Variants in PCDHGA2 observed in about 807,000 individuals in gnomAD.
PCDHGA2 encodes the protein protocadherin gamma-A2.
PCDHGA2 carries 40 observed loss-of-function variants against 59.2 expected under a neutral mutation model. The ratio of observed to expected loss-of-function variants is 0.68; its 90% CI spans 0.52 to 0.88. The LOEUF is 0.88. Ranked by LOEUF, PCDHGA2 falls within the 40% of genes least tolerant of loss-of-function variation. The pLI is 0.00. For missense variants in PCDHGA2, 1,226 were observed against 1,204.0 expected, an observed-to-expected ratio of 1.02 and a Z score of -0.27; for synonymous variants, 560 against 526.0, an observed-to-expected ratio of 1.06 and a Z score of -0.89.
At position 141,430,831 on chromosome 5, in the gene PCDHGA2, G is replaced by A; in HGVS notation, c.2425-63976G>A. ...TGGGAATCCTCCTGGGGACTCTGTGGGAGACCGGATGCACCCAGATACGCT... is the reference window on the plus strand; with the variant it reads ...TGGGAATCCTCCTGGGGACTCTGTGAGAGACCGGATGCACCCAGATACGCT... On this transcript the variant is annotated intron_variant, in intron 1 of 3. Coordinates refer to ENST00000394576, the MANE Select transcript of PCDHGA2 (RefSeq NM_018915.4). 3 of 1,555,334 alleles carry A rather than the reference G, an allele frequency of 1.9e-6. No individual in the cohort carries two copies. In the South Asian group the frequency reaches 3.8e-5, roughly 19 times the overall value.
chr5:141,490,605 C>A lies in PCDHGA2; in HGVS notation c.2425-4202C>A. On this transcript the variant is annotated intron_variant, in intron 1 of 3. Transcript: ENST00000394576. The surrounding 1 kb of genome is among the most constrained non-coding windows in gnomAD (Gnocchi z 5.4). ...TCAATGACAATGCACCCCGCTTCAA[C>A]CAGCAGCTTTACACTGCTTACATCC... 6.2e-6 allele frequency: 10 copies of A among 1,614,198 alleles called. No individual in the cohort carries two copies. The highest frequency in any genetic ancestry group is 8.5e-6 in the Non-Finnish European group (10 of 1,180,030).
intron 1 of PCDHGA2, chr5:141,410,207 C>T: frequency 6.2e-7 from 1 of 1,614,024 alleles, no homozygotes; most frequent in African/African-American, 1.3e-5. Context: ...AGACAACTTG[C>T]AAGAGATACT....
At chr5:141,442,049 C>A in intron 1 of PCDHGA2, 2 of 202,550 alleles carry the variant, frequency 9.9e-6, no homozygotes, top group South Asian at 1.3e-4. Flanking sequence ...GCCTACTGGT[C>A]GCGGTGCACT....
rs769801850 is a variant in PCDHGA2 at position 141,371,052 on chromosome 5, C to G, written c.2424+29657C>G. On this transcript the variant is annotated intron_variant, in intron 1 of 3. Coordinates refer to ENST00000394576, the MANE Select transcript of PCDHGA2 (RefSeq NM_018915.4). The stretch of plus-strand genomic sequence containing the variant: ...CCTCACAGCTGTGGATGGGGGCGAG[C>G]CCTCCAGAAGCTGTACCACCCAGAT... 6.0e-5 allele frequency: 97 copies of G among 1,613,842 alleles called. No individual in the cohort carries two copies. The South Asian group carries it at 1.1e-3, about 18-fold the overall frequency.
chr5:141,481,445 T>C (rs760413279), intron 1 of PCDHGA2, among the ~76,000 whole-genome samples: 2 of 152,260 alleles, frequency 1.3e-5, no homozygotes, highest in Non-Finnish European at 2.9e-5. Context: ...GTTTAGTACA[T>C]GTAAATACAC....
chr5:141,388,659 A>C (rs777197911), intron 1 of PCDHGA2: 1 of 1,613,882 alleles, frequency 6.2e-7, no homozygotes, highest in East Asian at 2.2e-5. Flanking sequence ...GTACCCGGGG[A>C]CCACGGTGCT....
At chr5:141,421,844 A>C (rs1261967247) in intron 1 of PCDHGA2, 2 of 1,613,740 alleles carry the variant, frequency 1.2e-6, no homozygotes, top group East Asian at 4.5e-5. Context: ...CGAGAGAAAG[A>C]GGCTGCTCAC....
In PCDHGA2 at chr5:141,498,877, G is replaced by A. The variant is rs886444261; in HGVS notation, c.2483+4012G>A. ...GAACCCAGGAGGCGGAGGTTGCAGTGAGCTGAGATCACACCACTGCACTCC... is the reference window on the plus strand; with the variant it reads ...GAACCCAGGAGGCGGAGGTTGCAGTAAGCTGAGATCACACCACTGCACTCC... On this transcript the variant is annotated intron_variant, in intron 2 of 3. Coordinates refer to ENST00000394576, the MANE Select transcript of PCDHGA2 (RefSeq NM_018915.4). Among the ~76,000 whole-genome samples, 8 of 149,816 alleles carry A rather than the reference G, an allele frequency of 5.3e-5. No individual in the cohort carries two copies. In the East Asian group the frequency reaches 1.4e-3, roughly 26 times the overall value.
At chr5:141,496,630 T>C (rs2099770022) in intron 2 of PCDHGA2, among the ~76,000 whole-genome samples, 1 of 152,202 alleles carries the variant, frequency 6.6e-6, no homozygotes, top group Non-Finnish European at 1.5e-5. Context: ...TCAAAAGGCT[T>C]GGGCTGCCCT....
Position 141,490,387 on chromosome 5 carries a change from G to C in PCDHGA2, c.2425-4420G>C. 2 of 1,614,196 alleles carry C rather than the reference G, an allele frequency of 1.2e-6. No individual in the cohort carries two copies. The highest frequency in any genetic ancestry group is 1.7e-6 in the Non-Finnish European group (2 of 1,180,034). On this transcript the variant is annotated intron_variant, in intron 1 of 3. Transcript: ENST00000394576. This position sits in a 1 kb window ranked among gnomAD's most constrained non-coding sequence, Gnocchi z 5.4. ...GCGAGACCGGGACTCAGGTAGAAATGGTGAAGTGAGCCTTGATATCTCTCC... is the reference window on the plus strand; with the variant it reads ...GCGAGACCGGGACTCAGGTAGAAATCGTGAAGTGAGCCTTGATATCTCTCC...
At chr5:141,356,321 G>A (rs1482205004) in intron 1 of PCDHGA2, 4 of 1,554,266 alleles carry the variant, frequency 2.6e-6, no homozygotes, top group Non-Finnish European at 3.5e-6. Flanking sequence ...GTGCATGACA[G>A]TGACTCAGGA....
chr5:141,348,487 GA>G (rs972122606), intron 1 of PCDHGA2, among the ~76,000 whole-genome samples: 9 of 151,958 alleles, frequency 5.9e-5, no homozygotes, highest in Admixed American at 2.0e-4. Context: ...CCTGTAAGGA[GA>G]AAAAAAATTA....
chr5:141,478,637 G>A (rs1227108157), intron 1 of PCDHGA2: 2 of 1,552,684 alleles, frequency 1.3e-6, no homozygotes, highest in Non-Finnish European at 1.7e-6. Context: ...TTTTAGTGAT[G>A]AAGATGTTTT....
chr5:141,400,212 C>G (rs773459521), intron 1 of PCDHGA2: 4 of 1,614,058 alleles, frequency 2.5e-6, no homozygotes, highest in Non-Finnish European at 3.4e-6. Context: ...TGGCCTTGAT[C>G]TCAGTGCTCT....
chr5:141,387,813 A>T, intron 1 of PCDHGA2: 6 of 1,531,348 alleles, frequency 3.9e-6, no homozygotes, highest in Non-Finnish European at 5.3e-6. Flanking sequence ...GAGATCCAAA[A>T]ATCTGCAATA....
intron 1 of PCDHGA2, chr5:141,423,091 G>A (rs1243671863): frequency 6.2e-7 from 1 of 1,613,908 alleles, no homozygotes; most frequent in Non-Finnish European, 8.5e-7. Flanking sequence ...CGCGGTGGGG[G>A]AGCACACGGG....
intron 1 of PCDHGA2, chr5:141,399,619 G>T (rs749025661): frequency 1.2e-6 from 2 of 1,613,784 alleles, no homozygotes; most frequent in Non-Finnish European, 1.7e-6. Flanking sequence ...TCTGGCACTG[G>T]CCTCTTACGT....
At chr5:141,501,423 A>C (rs1195105794) in intron 2 of PCDHGA2, among the ~76,000 whole-genome samples, 1 of 151,966 alleles carries the variant, frequency 6.6e-6, no homozygotes, top group Non-Finnish European at 1.5e-5. Flanking sequence ...AGTTGACTAA[A>C]TGTAGTCCAT....
At chr5:141,347,404 G>T (rs544331097) in intron 1 of PCDHGA2, among the ~76,000 whole-genome samples, 1 of 151,856 alleles carries the variant, frequency 6.6e-6, no homozygotes, top group African/African-American at 2.4e-5. Context: ...ATCTGCCCAC[G>T]TCAGCCTCCC....
Sources: allele counts gnomAD v4.1 joint callset (sites outside exome capture counted in the v4.1 genomes callset), GRCh38; gene constraint gnomAD v4.1.1; non-coding constraint Gnocchi (gnomAD v3.1); transcripts MANE v1.5; gene names NCBI Gene and HGNC (gene_info 2026-07-23, HGNC 2026-07-21).